The following DLGAP2 variants were observed in gnomAD, a reference collection of about 807,000 sequenced individuals.
DLGAP2 encodes the protein disks large-associated protein 2.
A neutral mutation model predicts 100.3 loss-of-function variants in DLGAP2; 26 were observed. The observed-to-expected ratio is 0.26, with a 90% confidence interval of 0.19 to 0.36. The LOEUF (loss-of-function observed/expected upper bound fraction) is 0.36. Among genes scored for constraint, DLGAP2 ranks in the 10% least tolerant of loss-of-function variants. The probability of loss-of-function intolerance (pLI) is 1.00; values close to 1 mark genes in which losing one functional copy is unlikely to be tolerated. For synonymous variants in DLGAP2, 886 were observed against 630.1 expected, an observed-to-expected ratio of 1.41 and a Z score of -6.08; for missense variants, 1,858 against 1,453.2, an observed-to-expected ratio of 1.28 and a Z score of -4.53.
At chr8:1,233,734 C>G (rs1037546668) in intron 2 of DLGAP2, among the ~76,000 whole-genome samples, 1 of 152,078 alleles carries the variant, frequency 6.6e-6, no homozygotes, top group Non-Finnish European at 1.5e-5. Context: ...GGGAAACACG[C>G]AGGGCTGTAA....
At chr8:783,458 A>G (rs1821755993) in intron 1 of DLGAP2, among the ~76,000 whole-genome samples, 1 of 152,226 alleles carries the variant, frequency 6.6e-6, no homozygotes, top group Non-Finnish European at 1.5e-5. Flanking sequence ...CAAAAGACAG[A>G]TAGTTTTCTG....
chr8:1,062,279 C>T (rs1024812565), intron 2 of DLGAP2, among the ~76,000 whole-genome samples: 1 of 152,178 alleles, frequency 6.6e-6, no homozygotes, highest in Admixed American at 6.5e-5. Flanking sequence ...GTGCCTGCCA[C>T]GCTGCTGCAG....
chr8:1,371,232 A>G (rs1014771985), intron 3 of DLGAP2, among the ~76,000 whole-genome samples: 2 of 152,246 alleles, frequency 1.3e-5, no homozygotes, highest in African/African-American at 4.8e-5. Context: ...TCAGACAGGC[A>G]TTGAGGGGAA....
intron 3 of DLGAP2, among the ~76,000 whole-genome samples, chr8:1,367,760 C>T (rs1271045145): frequency 1.3e-5 from 2 of 152,184 alleles, no homozygotes; most frequent in African/African-American, 2.4e-5. Context: ...CACTGCAGTT[C>T]AGAAAATCAC....
intron 8 of DLGAP2, among the ~76,000 whole-genome samples, chr8:1,645,324 G>T (rs117561282): frequency 0.036 from 5,483 of 152,296 alleles, 145 homozygotes; most frequent in South Asian, 0.072. Context: ...TGAATTCGAG[G>T]AGATAGTCAA....
chr8:1,667,015 G>A (rs773477090), intron 8 of DLGAP2, among the ~76,000 whole-genome samples: 62 of 152,292 alleles, frequency 4.1e-4, no homozygotes, highest in Non-Finnish European at 7.6e-4. Flanking sequence ...AGACGCCCAC[G>A]TGCGCACTCA....
chr8:1,415,446 T>A (rs1796856144), intron 3 of DLGAP2, among the ~76,000 whole-genome samples: 1 of 140,818 alleles, frequency 7.1e-6, no homozygotes. Flanking sequence ...TGGGCAGTGT[T>A]TCTTCCCCAG....
At chr8:1,630,276 C>A (rs2130776550) in intron 7 of DLGAP2, among the ~76,000 whole-genome samples, 1 of 152,254 alleles carries the variant, frequency 6.6e-6, no homozygotes, top group South Asian at 2.1e-4. Context: ...GATTGTCCAG[C>A]CCTAGGCCAC....
intron 1 of DLGAP2, among the ~76,000 whole-genome samples, chr8:779,217 C>T (rs1446812967): frequency 6.6e-6 from 1 of 152,216 alleles, no homozygotes; most frequent in East Asian, 1.9e-4. Flanking sequence ...GGTGCGCGCA[C>T]CCACTGACCT....
At chr8:741,525 C>T (rs773780858) in intron 1 of DLGAP2, among the ~76,000 whole-genome samples, 2 of 152,076 alleles carry the variant, frequency 1.3e-5, no homozygotes, top group African/African-American at 2.4e-5. Flanking sequence ...GATGGGTGTC[C>T]GCTGCAGGTG....
chr8:1,453,939 T>C (rs752799307), intron 3 of DLGAP2, among the ~76,000 whole-genome samples: 3 of 152,252 alleles, frequency 2.0e-5, no homozygotes, highest in East Asian at 1.9e-4. Flanking sequence ...AATGTGGACA[T>C]GTGCACAGAT....
At chr8:1,597,840 C>G (rs1796507337) in intron 6 of DLGAP2, among the ~76,000 whole-genome samples, 1 of 152,182 alleles carries the variant, frequency 6.6e-6, no homozygotes, top group African/African-American at 2.4e-5. Context: ...TTTCTCTTTT[C>G]CTATTTGAAT....
intron 1 of DLGAP2, among the ~76,000 whole-genome samples, chr8:906,903 C>G (rs1419408194): frequency 6.6e-6 from 1 of 152,054 alleles, no homozygotes; most frequent in Non-Finnish European, 1.5e-5. Flanking sequence ...GTCTTGTTTT[C>G]AATTGATTAT....
At chr8:1,640,942 A>C (rs564222293) in intron 8 of DLGAP2, among the ~76,000 whole-genome samples, 72 of 152,358 alleles carry the variant, frequency 4.7e-4, no homozygotes, top group Non-Finnish European at 8.7e-4. Context: ...TGAGTGGATG[A>C]AAGCCGGTTG....
Position 936,845 on chromosome 8 carries a change from C to A in DLGAP2, c.73+28879C>A, listed in dbSNP as rs534013097. On this transcript the variant is annotated intron_variant, in intron 2 of 14. Coordinates refer to ENST00000637795, the MANE Select transcript of DLGAP2 (RefSeq NM_001346810.2). ...CATGACTTTTGAATAAAAGTGCTGA[C>A]CAGGAGAATGTTTCCAGCAGTGTAG... Among the ~76,000 whole-genome samples, 143 of 152,160 alleles carry A rather than the reference C, an allele frequency of 9.4e-4. 1 individual carries two copies. The highest frequency in any genetic ancestry group is 1.7e-3 in the Non-Finnish European group (118 of 68,030).
At chr8:1,698,770 T>C (rs551919860) in intron 14 of DLGAP2, among the ~76,000 whole-genome samples, 17 of 147,884 alleles carry the variant, frequency 1.1e-4, no homozygotes, top group Admixed American at 1.0e-3. Context: ...AAGTAAGCCA[T>C]GTTTGGGACA....
chr8:1,561,741 G>A (rs1357110805), intron 5 of DLGAP2, among the ~76,000 whole-genome samples: 1 of 140,002 alleles, frequency 7.1e-6, no homozygotes, highest in African/African-American at 2.8e-5. Context: ...TCGTTTCTGG[G>A]GGACTGTGTG....
rs529089157 is a variant in DLGAP2, at chr8:1,079,975, G to T, written c.73+172009G>T. Among the ~76,000 whole-genome samples the T allele has an allele frequency of 5.4e-4, 82 of 152,310 alleles. 1 individual carries two copies. Among genetic ancestry groups the T allele is most frequent in the Non-Finnish European group, 7.9e-4 (54 of 68,036 alleles). On this transcript the variant is annotated intron_variant, in intron 2 of 14. Transcript: ENST00000637795. ...ACTCCTCTCTAACGTGGGTCCTGGT[G>T]ACTGTTGTTATTCTGCTTCTAGAGA...
At chr8:1,355,551 G>T (rs1585293311) in intron 3 of DLGAP2, among the ~76,000 whole-genome samples, 1 of 152,204 alleles carries the variant, frequency 6.6e-6, no homozygotes, top group African/African-American at 2.4e-5. Flanking sequence ...TTTTAGTAGA[G>T]GCGGGGTTTC....
Sources: allele counts gnomAD v4.1 joint callset (sites outside exome capture counted in the v4.1 genomes callset), GRCh38; gene constraint gnomAD v4.1.1; transcripts MANE v1.5; gene names NCBI Gene and HGNC (gene_info 2026-07-23, HGNC 2026-07-21).